The following KCNQ3 variants were observed in gnomAD, a reference collection of about 807,000 sequenced individuals.
The protein encoded by KCNQ3 is potassium voltage-gated channel subfamily KQT member 3.
A neutral mutation model predicts 92.5 loss-of-function variants in KCNQ3; 30 were observed. The ratio of observed to expected loss-of-function variants is 0.32; its 90% CI spans 0.24 to 0.44. The LOEUF (loss-of-function observed/expected upper bound fraction) is 0.44. Among genes scored for constraint, KCNQ3 ranks in the 20% least tolerant of loss-of-function variants. KCNQ3 has a pLI of 1.00. For synonymous variants in KCNQ3, 450 were observed against 468.8 expected (o/e 0.96, Z 0.52); for missense variants, 913 against 1,140.3 (o/e 0.80, Z 2.87).
At chr8:132,380,931 G>GAA (rs553931640) in intron 1 of KCNQ3, among the ~76,000 whole-genome samples, 48 of 87,434 alleles carry the variant, frequency 5.5e-4, no homozygotes, top group South Asian at 4.6e-3. Context: ...AATGAAAGCA[G>GAA]AAAAAAAAAA....
intron 1 of KCNQ3, among the ~76,000 whole-genome samples, chr8:132,257,544 G>A (rs1252415731): frequency 1.3e-5 from 2 of 151,986 alleles, no homozygotes; most frequent in African/African-American, 4.8e-5. Flanking sequence ...AGGAGATTGA[G>A]ACCATCCTGT....
intron 3 of KCNQ3, among the ~76,000 whole-genome samples, chr8:132,181,052 C>A (rs1336787996): frequency 6.6e-6 from 1 of 152,028 alleles, no homozygotes; most frequent in African/African-American, 2.4e-5. Context: ...TGAGAGAAGG[C>A]CTTGGGGTAG....
At chr8:132,131,206 G>T (rs1253146330) in intron 14 of KCNQ3, among the ~76,000 whole-genome samples, 1 of 152,114 alleles carries the variant, frequency 6.6e-6, no homozygotes, top group Non-Finnish European at 1.5e-5. Flanking sequence ...CAACAAAAAG[G>T]AATAATTCAG....
chr8:132,134,938 A>G (rs934002037), intron 12 of KCNQ3, among the ~76,000 whole-genome samples: 2 of 152,122 alleles, frequency 1.3e-5, no homozygotes, highest in African/African-American at 4.8e-5. Context: ...ATCCAACACC[A>G]GCTTCCATTC....
At chr8:132,177,595 G>A (rs1203501615) in intron 4 of KCNQ3, among the ~76,000 whole-genome samples, 2 of 152,184 alleles carry the variant, frequency 1.3e-5, no homozygotes, top group Non-Finnish European at 2.9e-5. Context: ...AAGACGTCTA[G>A]GTTTTTGTGC....
At chr8:132,436,864 G>A (rs1821407298) in intron 1 of KCNQ3, among the ~76,000 whole-genome samples, 3 of 152,088 alleles carry the variant, frequency 2.0e-5, no homozygotes, top group Admixed American at 6.5e-5. Context: ...TTTGGGGGTC[G>A]CAGATTTCCA....
In KCNQ3 at chr8:132,240,182, C is replaced by CTTTT. The variant is rs11342824; in HGVS notation, c.387-54005_387-54002dup. ...ATATCCATAGGCCTGTGCCATGATT[C>CTTTT]TTTTTTTTTTTTTTTTTTTTTGAGA... On this transcript the variant is annotated intron_variant, in intron 1 of 14. Coordinates refer to ENST00000388996, the MANE Select transcript of KCNQ3 (RefSeq NM_004519.4). 7.9e-4 allele frequency among the ~76,000 whole-genome samples: 88 copies of CTTTT among 111,748 alleles called. 1 individual carries two copies. Among genetic ancestry groups the CTTTT allele is most frequent in the Non-Finnish European group, 1.1e-3 (62 of 57,036 alleles). 73.3% of individuals were successfully genotyped at this position (111,748 alleles called of 152,430 possible). A position where few individuals can be genotyped will look rare whatever the true frequency, so the allele number is the denominator to read the frequency against.
At position 132,122,814 on chromosome 8, in the gene KCNQ3, A is replaced by C. The variant is rs559703115; in HGVS notation, c.*6448T>G. On this transcript the variant is annotated 3_prime_UTR_variant, in exon 15 of 15. Transcript: ENST00000388996. ...GCCGATTTATCCCGAGAACAATGTA[A>C]GTGGAAACTAACAATGAAGATGTTC... is the stretch of plus-strand genomic sequence containing the variant. The C allele has an allele frequency of 6.6e-6, 1 of 152,036 alleles. No individual in the cohort carries two copies. Among genetic ancestry groups the C allele is most frequent in the South Asian group, 2.1e-4 (1 of 4,758 alleles). 9.4% of individuals were successfully genotyped at this position (152,036 alleles called of 1,614,324 possible).
intron 1 of KCNQ3, among the ~76,000 whole-genome samples, chr8:132,430,996 G>A (rs1821235675): frequency 1.3e-5 from 2 of 152,176 alleles, no homozygotes; most frequent in South Asian, 4.2e-4. Flanking sequence ...CTTCTCCCAA[G>A]AATACGCTGG....
At chr8:132,423,743 T>G (rs926448914) in intron 1 of KCNQ3, among the ~76,000 whole-genome samples, 1 of 152,100 alleles carries the variant, frequency 6.6e-6, no homozygotes, top group Non-Finnish European at 1.5e-5. Flanking sequence ...TGCAGTCCCA[T>G]CCCAGAGCCC....
At chr8:132,196,305 C>T (rs1827295863) in intron 1 of KCNQ3, among the ~76,000 whole-genome samples, 1 of 152,078 alleles carries the variant, frequency 6.6e-6, no homozygotes, top group South Asian at 2.1e-4. Flanking sequence ...TTCCATTGTC[C>T]CCTAGGAGCT....
intron 1 of KCNQ3, among the ~76,000 whole-genome samples, chr8:132,407,013 G>C (rs1234789457): frequency 6.6e-6 from 1 of 152,336 alleles, no homozygotes; most frequent in South Asian, 2.1e-4. Context: ...GTGCCCCAAG[G>C]CTGGGCACCT....
chr8:132,250,963 A>C (rs1815388741), intron 1 of KCNQ3, among the ~76,000 whole-genome samples: 1 of 152,202 alleles, frequency 6.6e-6, no homozygotes, highest in African/African-American at 2.4e-5. Context: ...ATCATTAGAA[A>C]GACATGCATT....
chr8:132,258,546 T>C (rs191285974), intron 1 of KCNQ3, among the ~76,000 whole-genome samples: 96 of 152,076 alleles, frequency 6.3e-4, no homozygotes, highest in African/African-American at 2.2e-3. Flanking sequence ...TAAATGTCTA[T>C]ATTCACAAAG....
chr8:132,300,748 G>A (rs777512291), intron 1 of KCNQ3, among the ~76,000 whole-genome samples: 38 of 152,220 alleles, frequency 2.5e-4, no homozygotes, highest in Non-Finnish European at 4.9e-4. Flanking sequence ...TGTATCTCAG[G>A]TCCTGGCCAT....
chr8:132,390,589 A>T (rs1490580671), intron 1 of KCNQ3, among the ~76,000 whole-genome samples: 4 of 152,152 alleles, frequency 2.6e-5, no homozygotes, highest in Non-Finnish European at 2.9e-5. Flanking sequence ...ATTCTCATGC[A>T]CCTCCAGGGC....
chr8:132,343,857 G>C (rs765749507), intron 1 of KCNQ3, among the ~76,000 whole-genome samples: 1 of 152,166 alleles, frequency 6.6e-6, no homozygotes, highest in Admixed American at 6.5e-5. Context: ...AATGAAGGGC[G>C]TATCTGTGCC....
At chr8:132,440,907 G>C (rs1308238793) in intron 1 of KCNQ3, among the ~76,000 whole-genome samples, 2 of 152,198 alleles carry the variant, frequency 1.3e-5, no homozygotes, top group African/African-American at 2.4e-5. Flanking sequence ...GCTCAAAGGG[G>C]TATGGCATTG....
At chr8:132,349,595 G>T (rs2130701999) in intron 1 of KCNQ3, among the ~76,000 whole-genome samples, 1 of 152,326 alleles carries the variant, frequency 6.6e-6, no homozygotes, top group South Asian at 2.1e-4. Flanking sequence ...ATACGCATTT[G>T]GGTTTCCCCT....
Sources: allele counts gnomAD v4.1 joint callset (sites outside exome capture counted in the v4.1 genomes callset), GRCh38; gene constraint gnomAD v4.1.1; transcripts MANE v1.5; gene names NCBI Gene and HGNC (gene_info 2026-07-23, HGNC 2026-07-21).